RAP1A: variants seen among roughly 807,000 people sequenced by gnomAD.
RAP1A encodes RAP1A, member of RAS oncogene family.
RAP1A carries 6 observed loss-of-function variants against 26.4 expected under a neutral mutation model. The ratio of observed to expected loss-of-function variants is 0.23; its 90% confidence interval spans 0.12 to 0.45. The LOEUF (loss-of-function observed/expected upper bound fraction) is 0.45, where lower values mean the gene tolerates loss of function less well. Ranked by LOEUF, RAP1A falls within the 20% of genes least tolerant of loss-of-function variation. The pLI is 0.99. For missense variants in RAP1A, 121 were observed against 217.2 expected (o/e 0.56, Z 2.78); for synonymous variants, 73 against 79.4 (o/e 0.92, Z 0.43).
intron 1 of RAP1A, among the ~76,000 whole-genome samples, chr1:111,684,398 TCG>T (rs1661403512): frequency 6.6e-6 from 1 of 152,198 alleles, no homozygotes; most frequent in South Asian, 2.1e-4. Flanking sequence ...GAAAACCCCA[TCG>T]TCTCAGCCCA....
chr1:111,607,985 G>A (rs1308876676), intron 1 of RAP1A, among the ~76,000 whole-genome samples: 1,096 of 36,304 alleles, frequency 0.03, 33 homozygotes, highest in African/African-American at 0.19. Flanking sequence ...CAGCTGGCCG[G>A]GCGGGGGGGC....
Position 111,550,808 on chromosome 1 carries a change from A to T in RAP1A, c.-28+8299A>T, listed in dbSNP as rs1657226779. ...CCACACCCAGCCCAATTTCATCTTA[A>T]TGTGGTCAGAGAACATATTTTATGT... On this transcript the variant is annotated intron_variant, in intron 1 of 7. Transcript: ENST00000356415. Among the ~76,000 whole-genome samples the T allele has an allele frequency of 1.3e-5, 2 of 152,170 alleles. 1 individual carries two copies. Among genetic ancestry groups the T allele is most frequent in the South Asian group, 4.1e-4 (2 of 4,832 alleles).
intron 1 of RAP1A, among the ~76,000 whole-genome samples, chr1:111,629,920 A>G (rs1306239618): frequency 6.6e-6 from 1 of 152,162 alleles, no homozygotes; most frequent in Non-Finnish European, 1.5e-5. Context: ...CAGAATCTGA[A>G]CTACAGTCAT....
chr1:111,668,625 T>A (rs1440687001), intron 1 of RAP1A, among the ~76,000 whole-genome samples: 1 of 152,218 alleles, frequency 6.6e-6, no homozygotes, highest in Non-Finnish European at 1.5e-5. Flanking sequence ...GCGGTATGGG[T>A]CCTAAAGTCA....
At chr1:111,665,129 ATAAAGTT>A (rs1477704294) in intron 1 of RAP1A, among the ~76,000 whole-genome samples, 1 of 152,230 alleles carries the variant, frequency 6.6e-6, no homozygotes, top group African/African-American at 2.4e-5. Context: ...AGAATGCTAT[ATAAAGTT>A]TAGTTGCTGT....
chr1:111,671,692 T>C (rs1660980664), intron 1 of RAP1A, among the ~76,000 whole-genome samples: 2 of 152,208 alleles, frequency 1.3e-5, no homozygotes, highest in African/African-American at 2.4e-5. Flanking sequence ...CAGGCTAGTC[T>C]TGAACTCCTA....
At chr1:111,710,417 G>A (rs972838165) in intron 7 of RAP1A, among the ~76,000 whole-genome samples, 2 of 152,040 alleles carry the variant, frequency 1.3e-5, no homozygotes, top group African/African-American at 4.8e-5. Flanking sequence ...ATCCCCTGAA[G>A]GTTTCTACTT....
At chr1:111,710,199 T>C (rs934953945) in intron 7 of RAP1A, among the ~76,000 whole-genome samples, 5 of 152,220 alleles carry the variant, frequency 3.3e-5, no homozygotes, top group African/African-American at 1.2e-4. Context: ...TCAGTGTAAT[T>C]TTGGTAGTTA....
chr1:111,553,511 C>T (rs1218731458), intron 1 of RAP1A, among the ~76,000 whole-genome samples: 2 of 151,722 alleles, frequency 1.3e-5, no homozygotes, highest in Non-Finnish European at 2.9e-5. Flanking sequence ...AGTAAAATCT[C>T]CAGTGTTTCA....
intron 1 of RAP1A, among the ~76,000 whole-genome samples, chr1:111,639,095 T>TTATA (rs1659813762): frequency 6.6e-6 from 1 of 151,842 alleles, no homozygotes; most frequent in Non-Finnish European, 1.5e-5. Context: ...TATTTTGGAC[T>TTATA]CTTTCTGCTA....
chr1:111,684,091 G>T (rs1456075021), intron 1 of RAP1A, among the ~76,000 whole-genome samples: 1 of 152,082 alleles, frequency 6.6e-6, no homozygotes, highest in African/African-American at 2.4e-5. Context: ...TGTGGAAAAG[G>T]CCTTTGATAA....
At chr1:111,557,843 T>C (rs1657564932) in intron 1 of RAP1A, among the ~76,000 whole-genome samples, 1 of 152,032 alleles carries the variant, frequency 6.6e-6, no homozygotes, top group South Asian at 2.1e-4. Flanking sequence ...AGCATAAAAA[T>C]TGGGGGAGAT....
chr1:111,564,577 A>AAGCTCCACC (rs1657869444), intron 1 of RAP1A, among the ~76,000 whole-genome samples: 1 of 143,582 alleles, frequency 7.0e-6, no homozygotes. Flanking sequence ...CAGTGGCACG[A>AAGCTCCACC]TCTCGGCTCA....
intron 1 of RAP1A, among the ~76,000 whole-genome samples, chr1:111,553,192 G>T (rs1657340599): frequency 6.6e-6 from 1 of 152,178 alleles, no homozygotes; most frequent in African/African-American, 2.4e-5. Context: ...GAACAGATTT[G>T]TTTATTGTAC....
intron 1 of RAP1A, among the ~76,000 whole-genome samples, chr1:111,665,092 T>C (rs186139515): frequency 1.4e-4 from 22 of 152,224 alleles, no homozygotes; most frequent in African/African-American, 4.8e-4. Context: ...ACCTAAAAAA[T>C]AAAAAGGAAA....
chr1:111,673,448 C>A (rs953572975), intron 1 of RAP1A, among the ~76,000 whole-genome samples: 1 of 152,086 alleles, frequency 6.6e-6, no homozygotes, highest in African/African-American at 2.4e-5. Flanking sequence ...ATTGCAGAAA[C>A]AACAAAGTTG....
intron 1 of RAP1A, among the ~76,000 whole-genome samples, chr1:111,622,855 C>G (rs1165014865): frequency 6.6e-6 from 1 of 152,094 alleles, no homozygotes; most frequent in Non-Finnish European, 1.5e-5. Context: ...CACAGTCTGT[C>G]ATTGTTTGTA....
rs59640388 is a variant in RAP1A, at chr1:111,580,865, C to CAA, written c.-28+38365_-28+38366dup. ...GTCTCAAAAACAAAAAAACAAAAAA[C>CAA]AAAAAAAAAACAACAAAAAACAGAA... On this transcript the variant is annotated intron_variant, in intron 1 of 7. Coordinates refer to the RAP1A transcript ENST00000356415. Among the ~76,000 whole-genome samples the CAA allele has an allele frequency of 4.8e-3, 692 of 145,108 alleles. 2 individuals are homozygous for CAA. Among genetic ancestry groups the CAA allele is most frequent in the South Asian group, 0.012 (56 of 4,636 alleles).
intron 1 of RAP1A, among the ~76,000 whole-genome samples, chr1:111,571,713 A>G (rs1658051725): frequency 6.6e-6 from 1 of 152,234 alleles, no homozygotes; most frequent in African/African-American, 2.4e-5. Flanking sequence ...TGGCTAAGAA[A>G]TCCCTTATCT....
Sources: allele counts gnomAD v4.1 joint callset (sites outside exome capture counted in the v4.1 genomes callset), GRCh38; gene constraint gnomAD v4.1.1; transcripts MANE v1.5; gene names NCBI Gene and HGNC (gene_info 2026-07-23, HGNC 2026-07-21).